Variants in LRMDA observed in about 807,000 individuals in gnomAD.
The protein encoded by LRMDA is leucine rich melanocyte differentiation associated, also known as leucine-rich melanocyte differentiation-associated protein.
In LRMDA, 18 loss-of-function variants were observed where a neutral mutation model predicts 29.8. The ratio of observed to expected loss-of-function variants is 0.60; its 90% CI spans 0.42 to 0.90. The LOEUF (loss-of-function observed/expected upper bound fraction) is 0.90. LRMDA is among the 40% of genes least tolerant of loss of function. The pLI, the probability that LRMDA is intolerant of heterozygous loss-of-function variation, is 0.00. For synonymous variants in LRMDA, 125 were observed against 109.4 expected, an observed-to-expected ratio of 1.14 and a Z score of -0.89; for missense variants, 273 against 273.9, an observed-to-expected ratio of 1.00 and a Z score of 0.02.
At chr10:76,240,371 C>G (rs1366142215) in intron 5 of LRMDA, among the ~76,000 whole-genome samples, 1 of 148,002 alleles carries the variant, frequency 6.8e-6, no homozygotes, top group East Asian at 1.9e-4. Flanking sequence ...CACCACCTTA[C>G]TCCCGCAAGA....
intron 6 of LRMDA, among the ~76,000 whole-genome samples, chr10:76,543,126 A>G (rs745923348): frequency 2.6e-5 from 4 of 152,120 alleles, no homozygotes; most frequent in Non-Finnish European, 5.9e-5. Context: ...TTAAAATGCC[A>G]ATAGCAAGGA....
At chr10:75,772,505 G>C (rs762868528) in intron 2 of LRMDA, among the ~76,000 whole-genome samples, 4 of 152,138 alleles carry the variant, frequency 2.6e-5, no homozygotes, top group Non-Finnish European at 4.4e-5. Context: ...ACCATCAGAT[G>C]GGCCTAAATT....
At chr10:76,118,764 G>A (rs1849710101) in intron 5 of LRMDA, among the ~76,000 whole-genome samples, 1 of 150,270 alleles carries the variant, frequency 6.7e-6, no homozygotes, top group Admixed American at 6.6e-5. Flanking sequence ...TTATTTTTGA[G>A]ACTCTGAAAA....
At chr10:75,559,654 T>G (rs1347110352) in intron 2 of LRMDA, among the ~76,000 whole-genome samples, 4 of 150,486 alleles carry the variant, frequency 2.7e-5, no homozygotes, top group Non-Finnish European at 5.9e-5. Flanking sequence ...TCTAGGGTTT[T>G]TATGGTTTTA....
intron 2 of LRMDA, among the ~76,000 whole-genome samples, chr10:75,641,473 T>G (rs897355048): frequency 1.3e-5 from 2 of 151,744 alleles, no homozygotes; most frequent in Non-Finnish European, 2.9e-5. Context: ...ATAAAGATAG[T>G]TCATTAAATA....
chr10:76,541,621 A>T (rs1843356957), intron 6 of LRMDA, among the ~76,000 whole-genome samples: 1 of 152,186 alleles, frequency 6.6e-6, no homozygotes, highest in African/African-American at 2.4e-5. Flanking sequence ...ACATAATGCT[A>T]ATGTTAGATT....
intron 2 of LRMDA, among the ~76,000 whole-genome samples, chr10:75,557,520 C>T (rs529542578): frequency 2.0e-5 from 3 of 152,230 alleles, no homozygotes; most frequent in South Asian, 4.1e-4. Context: ...AGCCCTGCAA[C>T]ATTGATACTA....
At chr10:76,041,482 G>A (rs1848336952) in intron 3 of LRMDA, among the ~76,000 whole-genome samples, 1 of 152,152 alleles carries the variant, frequency 6.6e-6, no homozygotes, top group African/African-American at 2.4e-5. Context: ...ATAAAAATGA[G>A]GTATGTCATT....
At chr10:75,762,367 C>CT (rs920998908) in intron 2 of LRMDA, among the ~76,000 whole-genome samples, 2 of 152,166 alleles carry the variant, frequency 1.3e-5, no homozygotes, top group East Asian at 1.9e-4. Flanking sequence ...TTTCTGTGAT[C>CT]TTTTTTTTCT....
At chr10:76,114,684 A>G (rs1209975936) in intron 5 of LRMDA, among the ~76,000 whole-genome samples, 1 of 152,162 alleles carries the variant, frequency 6.6e-6, no homozygotes, top group Non-Finnish European at 1.5e-5. Context: ...CTGAGCGTTG[A>G]GTGCCTCCTC....
chr10:76,137,955 G>A (rs1001790431), intron 5 of LRMDA, among the ~76,000 whole-genome samples: 2 of 152,018 alleles, frequency 1.3e-5, no homozygotes, highest in Non-Finnish European at 2.9e-5. Context: ...ACTGAGGAGC[G>A]GTGAGAACTA....
chr10:76,184,500 G>C (rs1851111705), intron 5 of LRMDA, among the ~76,000 whole-genome samples: 1 of 152,208 alleles, frequency 6.6e-6, no homozygotes, highest in South Asian at 2.1e-4. Context: ...TTAAAACAAA[G>C]TGCTATCTCA....
chr10:75,729,422 T>C (rs1028006030), intron 2 of LRMDA, among the ~76,000 whole-genome samples: 2 of 152,210 alleles, frequency 1.3e-5, no homozygotes, highest in African/African-American at 2.4e-5. Flanking sequence ...GATCTTTCTT[T>C]TGGACAACGT....
At chr10:76,549,516 G>C (rs779895877) in intron 6 of LRMDA, among the ~76,000 whole-genome samples, 3 of 152,120 alleles carry the variant, frequency 2.0e-5, no homozygotes, top group Non-Finnish European at 4.4e-5. Flanking sequence ...TTCCAGGTAT[G>C]GTGCATCCTA....
chr10:76,053,736 A>G (rs1848567022), intron 4 of LRMDA, among the ~76,000 whole-genome samples: 1 of 152,166 alleles, frequency 6.6e-6, no homozygotes, highest in Non-Finnish European at 1.5e-5. Flanking sequence ...CACTGCAGGC[A>G]TTGGGGCAGG....
intron 5 of LRMDA, among the ~76,000 whole-genome samples, chr10:76,256,250 C>G (rs931031904): frequency 2.0e-5 from 3 of 152,176 alleles, no homozygotes; most frequent in Non-Finnish European, 2.9e-5. Context: ...GTTAGTTCTA[C>G]TGGTCACTGT....
At chr10:76,201,126 C>T (rs891477757) in intron 5 of LRMDA, among the ~76,000 whole-genome samples, 2 of 149,416 alleles carry the variant, frequency 1.3e-5, no homozygotes, top group Non-Finnish European at 3.0e-5. Context: ...GACGGAGTTT[C>T]GCTCTTGCTG....
At chr10:76,078,517 C>T (rs1353137044) in intron 5 of LRMDA, among the ~76,000 whole-genome samples, 1 of 152,124 alleles carries the variant, frequency 6.6e-6, no homozygotes, top group Non-Finnish European at 1.5e-5. Flanking sequence ...ATCTGCCTCT[C>T]TTTGCATTCC....
intron 6 of LRMDA, among the ~76,000 whole-genome samples, chr10:76,326,187 G>C (rs1840831759): frequency 6.6e-6 from 1 of 152,176 alleles, no homozygotes; most frequent in African/African-American, 2.4e-5. Flanking sequence ...GACCAATAGA[G>C]AGAAGACCGA....
Sources: gnomAD v4.1 joint callset for allele counts (sites outside exome capture counted in the v4.1 genomes callset) on GRCh38, gnomAD v4.1.1 for gene constraint, MANE v1.5 for transcripts, NCBI Gene and HGNC (gene_info 2026-07-23, HGNC 2026-07-21) for gene names.